DAW1: variants seen among roughly 807,000 people sequenced by gnomAD.
DAW1 encodes dynein assembly factor with WD repeat domains 1.
DAW1 carries 47 observed loss-of-function variants against 56.5 expected under a neutral mutation model. That is an observed-to-expected ratio of 0.83 (90% CI 0.66 to 1.06). The LOEUF is 1.06. Ranked by LOEUF, DAW1 falls within the 50% of genes least tolerant of loss-of-function variation. The probability of loss-of-function intolerance (pLI) is 0.00; values close to 1 mark genes in which losing one functional copy is unlikely to be tolerated. For synonymous variants in DAW1, 190 were observed against 179.0 expected, an observed-to-expected ratio of 1.06 and a Z score of -0.49; for missense variants, 505 against 499.3, an observed-to-expected ratio of 1.01 and a Z score of -0.11.
chr2:227,921,451 C>T lies in DAW1; in HGVS notation c.1103C>T (p.Thr368Met), dbSNP rs199897681. The T allele has an allele frequency of 5.1e-5, 82 of 1,612,838 alleles. No homozygotes were observed. Among genetic ancestry groups the T allele is most frequent in the Middle Eastern group, 1.6e-4 (1 of 6,078 alleles). Reference sequence around the variant, plus strand: ...CTTCTAACTGGCAGCTCTGACAAAACGGCTAGAATCTGGGATGCTCAGACT... The same window carrying T: ...CTTCTAACTGGCAGCTCTGACAAAATGGCTAGAATCTGGGATGCTCAGACT... ...NHLLTGSSDKTARIWDAQTGQ... is the reference protein window; with the variant it reads ...NHLLTGSSDKMARIWDAQTGQ... The change falls in exon 12 of 13, where the codon ACG becomes ATG. Residue 368 changes from threonine to methionine, a missense_variant. Thr to Met is a moderately conservative substitution (Grantham distance 81). Transcript: ENST00000309931.
At chr2:227,915,143 A>G (rs77125479) in intron 10 of DAW1, among the ~76,000 whole-genome samples, 2,295 of 152,212 alleles carry the variant, frequency 0.015, 30 homozygotes, top group South Asian at 0.029. Flanking sequence ...ATGGTATAGT[A>G]TTACTGCAGC....
rs1289755154 is a variant in DAW1 at position 227,918,142 on chromosome 2, G to GTCCATCCA, written c.974-615_974-608dup. On this transcript the variant is annotated intron_variant, in intron 10 of 12. Coordinates refer to ENST00000309931, the MANE Select transcript of DAW1 (RefSeq NM_178821.3). ...CATTTCTCCATCCATCCATCCATCC[G>GTCCATCCA]TCCATCCATCCATCCATCCATCCAT... 4.0e-3 allele frequency among the ~76,000 whole-genome samples: 330 copies of GTCCATCCA among 82,088 alleles called. 1 individual carries two copies. Among genetic ancestry groups the GTCCATCCA allele is most frequent in the African/African-American group, 7.1e-3 (168 of 23,580 alleles). The allele number at this position is 82,088 out of a possible 152,430, so 53.9% of individuals were successfully genotyped here.
At chr2:227,888,761 A>G (rs1279368334) in intron 2 of DAW1, among the ~76,000 whole-genome samples, 2 of 152,220 alleles carry the variant, frequency 1.3e-5, no homozygotes, top group African/African-American at 2.4e-5. Context: ...TGGATGCTTC[A>G]TGGTGTATAT....
At chr2:227,874,284 A>G (rs10933224) in intron 1 of DAW1, among the ~76,000 whole-genome samples, 73,072 of 152,002 alleles carry the variant, frequency 0.48, 17,771 homozygotes, top group Admixed American at 0.58. Flanking sequence ...CATGGTGACA[A>G]CAGCACCACT....
In DAW1 at chr2:227,904,952, C is replaced by G; in HGVS notation, c.672C>G (p.Ser224=). The G allele has an allele frequency of 6.2e-7, 1 of 1,613,454 alleles. No homozygotes were observed. Among genetic ancestry groups the G allele is most frequent in the Non-Finnish European group, 8.5e-7 (1 of 1,179,602 alleles). ...TLRGHSAEII[S]LSFNTSGDRI... is the part of the protein sequence containing the mutation. ...AGGGACATTCTGCCGAAATCATCTC[C>G]TTGTCATTTAACACCTCAGGAGACA... Residue 224 remains serine, a synonymous_variant, in exon 8 of 13, where the codon TCC becomes TCG. Coordinates refer to ENST00000309931, the MANE Select transcript of DAW1 (RefSeq NM_178821.3).
chr2:227,907,154 A>G lies in DAW1; in HGVS notation c.875A>G (p.Asn292Ser). 1 of 1,612,384 alleles carries G rather than the reference A, an allele frequency of 6.2e-7. No individual in the cohort carries two copies. The highest frequency in any genetic ancestry group is 1.1e-5 in the South Asian group (1 of 90,526). Residue 292 changes from asparagine (N) to serine (S), a missense_variant, in exon 10 of 13, where the codon AAT becomes AGT. Physicochemically the swap from Asn to Ser is conservative, Grantham distance 46. Coordinates refer to ENST00000309931, the MANE Select transcript of DAW1 (RefSeq NM_178821.3). ...TAATTGTAGCTGTGGGATGCTACAA[A>G]TGGAAAATGTGTGGCAACCTTAACA... ...DKTCKLWDATNGKCVATLTGH... is the reference protein window; with the variant it reads ...DKTCKLWDATSGKCVATLTGH...
intron 1 of DAW1, among the ~76,000 whole-genome samples, chr2:227,874,537 C>T (rs1366726135): frequency 1.3e-5 from 2 of 152,228 alleles, no homozygotes; most frequent in Non-Finnish European, 2.9e-5. Context: ...AACCACTCTG[C>T]TTTTCTTTGG....
intron 7 of DAW1, 48 bp from the exon 8 acceptor site, chr2:227,904,881 A>G: frequency 6.6e-7 from 1 of 1,509,330 alleles, no homozygotes; most frequent in Non-Finnish European, 9.2e-7. Context: ...CGCTTGCAGA[A>G]ATTGTTTTAT....
chr2:227,884,137 T>G (rs951584673), intron 1 of DAW1, among the ~76,000 whole-genome samples: 1 of 152,234 alleles, frequency 6.6e-6, no homozygotes, highest in Non-Finnish European at 1.5e-5. Flanking sequence ...ATCTCTACTT[T>G]TGAACTCGCT....
intron 10 of DAW1, among the ~76,000 whole-genome samples, chr2:227,911,261 T>TATATATATAC (rs1265635874): frequency 8.4e-6 from 1 of 119,374 alleles, no homozygotes; most frequent in Non-Finnish European, 1.8e-5. Flanking sequence ...TATACACGTG[T>TATATATATAC]ATATACACAT....
At position 227,904,991 on chromosome 2, in the gene DAW1, G is replaced by T. The variant is rs1257905499; in HGVS notation, c.711G>T (p.Gly237=). The T allele has an allele frequency of 1.2e-6, 2 of 1,613,836 alleles. No homozygotes were observed. Among genetic ancestry groups the T allele is most frequent in the Non-Finnish European group, 1.7e-6 (2 of 1,179,802 alleles). ...FNTSGDRIIT[G]SFDHTVVVWD... ...CCTCAGGAGACAGAATCATCACGGG[G>T]TCTTTTGATCATACCGTTGTAGTGT... The change falls in exon 8 of 13, where the codon GGG becomes GGT. Residue 237 remains glycine, a synonymous_variant. Coordinates refer to ENST00000309931, the MANE Select transcript of DAW1 (RefSeq NM_178821.3).
chr2:227,910,069 CAT>C (rs1275744631), intron 10 of DAW1, among the ~76,000 whole-genome samples: 11 of 152,162 alleles, frequency 7.2e-5, no homozygotes, highest in Admixed American at 2.0e-4. Context: ...TATCCTAAAA[CAT>C]GTGTTATGCG....
intron 2 of DAW1, among the ~76,000 whole-genome samples, chr2:227,889,128 C>T (rs1457438312): frequency 6.6e-6 from 1 of 152,046 alleles, no homozygotes; most frequent in Non-Finnish European, 1.5e-5. Flanking sequence ...TGGGAACATT[C>T]AATACATGTT....
At position 227,893,918 on chromosome 2, in the gene DAW1, G is replaced by A; in HGVS notation, c.440+1G>A. ...CCATAGCATTCAACAATCCTTACGG[G>A]TGTGTTCATCCCTTCACTTATTTGT... On this transcript the variant is annotated splice_donor_variant, in intron 5 of 12. Transcript: ENST00000309931. LOFTEE classifies it high-confidence loss of function. 1.6e-5 allele frequency: 25 copies of A among 1,595,166 alleles called. No homozygotes were observed. Among genetic ancestry groups the A allele is most frequent in the Non-Finnish European group, 2.1e-5 (25 of 1,172,838 alleles).
At chr2:227,872,777 C>T (rs886732441) in intron 1 of DAW1, among the ~76,000 whole-genome samples, 4 of 148,338 alleles carry the variant, frequency 2.7e-5, no homozygotes, top group African/African-American at 9.9e-5. Flanking sequence ...TCCCTCTTTC[C>T]ATAGCACAGA....
chr2:227,888,007 AC>A (rs1379442823), intron 2 of DAW1, among the ~76,000 whole-genome samples: 1 of 152,170 alleles, frequency 6.6e-6, no homozygotes, highest in African/African-American at 2.4e-5. Flanking sequence ...GGGCATTTTT[AC>A]CCTTTTAATT....
At chr2:227,890,061 A>G in intron 3 of DAW1, 61 bp downstream of exon 3, 1 of 1,426,198 alleles carries the variant, frequency 7.0e-7, no homozygotes, top group African/African-American at 1.5e-5. Flanking sequence ...TATTTTATTA[A>G]TTTTTCTTTC....
At chr2:227,885,160 A>G (rs1254364812) in intron 1 of DAW1, among the ~76,000 whole-genome samples, 191 bp from the exon 2 acceptor site, 1 of 152,138 alleles carries the variant, frequency 6.6e-6, no homozygotes, top group African/African-American at 2.4e-5. Flanking sequence ...ATTTAGTTAT[A>G]TTTAGAGGGA....
intron 12 of DAW1, among the ~76,000 whole-genome samples, chr2:227,921,867 ATG>A (rs769660353): frequency 3.3e-5 from 5 of 152,330 alleles, no homozygotes; most frequent in Middle Eastern, 3.4e-3. Flanking sequence ...TATCAATTGA[ATG>A]GTTAATATTT....
Sources: allele counts gnomAD v4.1 joint callset (sites outside exome capture counted in the v4.1 genomes callset), GRCh38; gene constraint gnomAD v4.1.1; transcripts MANE v1.5; gene names NCBI Gene and HGNC (gene_info 2026-07-23, HGNC 2026-07-21).